Variants in SYNE2 observed in about 807,000 individuals in gnomAD.
The protein encoded by SYNE2 is spectrin repeat containing nuclear envelope protein 2.
SYNE2 carries 431 observed loss-of-function variants against 856.3 expected under a neutral mutation model. That is an observed-to-expected ratio of 0.50 (90% confidence interval 0.47 to 0.55). SYNE2 has a LOEUF of 0.55. Among genes scored for constraint, SYNE2 ranks in the 20% least tolerant of loss-of-function variants. The probability of loss-of-function intolerance (pLI) is 0.00; values close to 1 mark genes in which losing one functional copy is unlikely to be tolerated. For missense variants in SYNE2, 8,129 were observed against 8,023.2 expected, an observed-to-expected ratio of 1.01 and a Z score of -0.50; for synonymous variants, 2,923 against 2,872.3, an observed-to-expected ratio of 1.02 and a Z score of -0.56.
At chr14:64,168,205 G>A (rs1399678643) in intron 92 of SYNE2, among the ~76,000 whole-genome samples, 1 of 152,136 alleles carries the variant, frequency 6.6e-6, no homozygotes. Context: ...CCAGGCTCAA[G>A]CAATTCTCGT....
chr14:64,018,756 T>C (rs1161257746), intron 34 of SYNE2, among the ~76,000 whole-genome samples: 5 of 152,196 alleles, frequency 3.3e-5, no homozygotes, highest in Non-Finnish European at 7.3e-5. Context: ...GACCATGATT[T>C]TAGACGGCCT....
Position 64,124,618 on chromosome 14 carries a change from G to GT in SYNE2, c.13423-455dup, listed in dbSNP as rs555419387. 1.7e-4 allele frequency among the ~76,000 whole-genome samples: 26 copies of GT among 152,160 alleles called. 1 individual carries two copies. Among genetic ancestry groups the GT allele is most frequent in the Middle Eastern group, 3.4e-3 (1 of 294 alleles). On this transcript the variant is annotated intron_variant, in intron 70 of 115. Transcript: ENST00000555002. ...CTGTCCAAAATATTAAAACTTAATT[G>GT]TTTTTTCTTATAAATGGCAAGATAG...
Position 64,185,912 on chromosome 14 carries a change from G to A in SYNE2, c.17557-512G>A, listed in dbSNP as rs376122259. Among the ~76,000 whole-genome samples, 108 of 152,166 alleles carry A rather than the reference G, an allele frequency of 7.1e-4. 4 individuals carry two copies. In the South Asian group the frequency reaches 0.019, roughly 26 times the overall value. On this transcript the variant is annotated intron_variant, in intron 96 of 115. Coordinates refer to ENST00000555002, the MANE Select transcript of SYNE2 (RefSeq NM_182914.3). ...ATTAGAAAAGTTTATTTTTTCTTCC[G>A]TTATACTTACTCATTATTTTCAAAA... is the stretch of plus-strand genomic sequence containing the variant.
intron 57 of SYNE2, chr14:64,084,756 T>C (rs577838516): frequency 3.9e-6 from 2 of 510,330 alleles, no homozygotes; most frequent in Non-Finnish European, 7.0e-6. Flanking sequence ...AACAAACTTA[T>C]TATCACAGTT....
intron 94 of SYNE2, among the ~76,000 whole-genome samples, chr14:64,171,559 T>TGG (rs2098410882): frequency 2.6e-5 from 4 of 152,170 alleles, no homozygotes; most frequent in Non-Finnish European, 5.9e-5. Flanking sequence ...TGGGACTGAA[T>TGG]GATGAGAAGG....
At chr14:63,772,343 G>A (rs1886950303) in intron 1 of SYNE2, among the ~76,000 whole-genome samples, 1 of 152,048 alleles carries the variant, frequency 6.6e-6, no homozygotes, top group African/African-American at 2.4e-5. Flanking sequence ...GGCAGAATGA[G>A]ACTCCATCTC....
chr14:64,187,308 G>A (rs767210992), intron 97 of SYNE2, among the ~76,000 whole-genome samples: 82 of 152,182 alleles, frequency 5.4e-4, no homozygotes, highest in Non-Finnish European at 1.1e-3. Context: ...ATTCAGACAC[G>A]TTCTCCTTGA....
At chr14:63,878,348 A>AG (rs760258648) in intron 1 of SYNE2, among the ~76,000 whole-genome samples, 1 of 152,102 alleles carries the variant, frequency 6.6e-6, no homozygotes, top group Non-Finnish European at 1.5e-5. Context: ...CCCTGGTAAG[A>AG]GGCTTTCCTG....
chr14:63,883,027 G>A (rs1189001835), intron 1 of SYNE2, among the ~76,000 whole-genome samples: 2 of 150,692 alleles, frequency 1.3e-5, no homozygotes, highest in East Asian at 3.9e-4. Context: ...GGTATTTATT[G>A]GCAAATATGC....
At position 64,219,323 on chromosome 14, in the gene SYNE2, A is replaced by G. The variant is rs1046553272; in HGVS notation, c.19773A>G (p.Lys6591=). 1.2e-6 allele frequency: 2 copies of G among 1,614,048 alleles called. No homozygotes were observed. Among genetic ancestry groups the G allele is most frequent in the African/African-American group, 2.7e-5 (2 of 74,898 alleles). The change falls in exon 110 of 116, where the codon AAA becomes AAG. Residue 6591 remains lysine, a synonymous_variant. Transcript: ENST00000555002. ...TCAGCGCCATCACTACTTGGCTGAAAAAAACTGAAGCAGAGCTGGAAATGT... is the reference window on the plus strand; with the variant it reads ...TCAGCGCCATCACTACTTGGCTGAAGAAAACTGAAGCAGAGCTGGAAATGT... ...SDISAITTWL[K]KTEAELEMLK...
At chr14:63,796,351 G>A (rs1887913778) in intron 1 of SYNE2, among the ~76,000 whole-genome samples, 1 of 152,126 alleles carries the variant, frequency 6.6e-6, no homozygotes, top group Admixed American at 6.5e-5. Flanking sequence ...CAGCTACTTG[G>A]GAGGCTGAGG....
intron 7 of SYNE2, among the ~76,000 whole-genome samples, chr14:63,952,127 G>A (rs1222642848): frequency 4.6e-5 from 7 of 152,262 alleles, no homozygotes; most frequent in East Asian, 3.9e-4. Context: ...ATCAGGCCCC[G>A]TTCTCCACAT....
chr14:63,771,759 G>GGT (rs1424151435), intron 1 of SYNE2, among the ~76,000 whole-genome samples: 1 of 151,928 alleles, frequency 6.6e-6, no homozygotes, highest in East Asian at 1.9e-4. Flanking sequence ...AAATTAGCTG[G>GGT]GTGTGTGTGT....
chr14:64,139,558 C>T (rs1297621653), intron 79 of SYNE2, among the ~76,000 whole-genome samples: 5 of 151,978 alleles, frequency 3.3e-5, no homozygotes, highest in Non-Finnish European at 7.4e-5. Context: ...ACTACAGGCG[C>T]CTGCCACCAT....
rs372337180 is a variant in SYNE2, at chr14:64,208,952, A to T, written c.18389+7A>T. On this transcript the variant is annotated splice_region_variant and intron_variant, in intron 101 of 115. Coordinates refer to ENST00000555002, the MANE Select transcript of SYNE2 (RefSeq NM_182914.3). ...CCATGGAGCGGCGCATGAAGTAAGA[A>T]CTAAGCTCCCCCAAATGCCTTCAGC... is the stretch of plus-strand genomic sequence containing the variant. 134 of 1,613,406 alleles carry T rather than the reference A, an allele frequency of 8.3e-5. No homozygotes were observed. The highest frequency in any genetic ancestry group is 7.5e-5 in the Non-Finnish European group (89 of 1,179,870).
chr14:63,952,717 T>C (rs2096182156), intron 7 of SYNE2, among the ~76,000 whole-genome samples: 2 of 152,248 alleles, frequency 1.3e-5, no homozygotes, highest in African/African-American at 4.8e-5. Context: ...CAAACATATT[T>C]GTTAGACAAC....
intron 1 of SYNE2, among the ~76,000 whole-genome samples, chr14:63,782,542 A>G (rs1247330222): frequency 6.6e-6 from 1 of 151,586 alleles, no homozygotes; most frequent in Non-Finnish European, 1.5e-5. Flanking sequence ...AAAGTCTCTT[A>G]CCAGCCAAAT....
chr14:64,161,158 G>A (rs2098326341), intron 87 of SYNE2, among the ~76,000 whole-genome samples: 1 of 151,912 alleles, frequency 6.6e-6, no homozygotes, highest in African/African-American at 2.4e-5. Context: ...AGCCTGGGTA[G>A]CATGGTGAAA....
Position 63,995,726 on chromosome 14 carries a change from TATCC to T in SYNE2, c.2940+528_2940+531del, listed in dbSNP as rs998948254. On this transcript the variant is annotated intron_variant, in intron 23 of 115. Coordinates refer to ENST00000555002, the MANE Select transcript of SYNE2 (RefSeq NM_182914.3). Reference sequence around the variant, plus strand: ...CTCTTGCTTTATATAATTCTATATCTATCCATCTATCTATCTATCTATCTATCTA... The same window carrying T: ...CTCTTGCTTTATATAATTCTATATCTATCTATCTATCTATCTATCTATCTA... 3.9e-3 allele frequency among the ~76,000 whole-genome samples: 161 copies of T among 41,570 alleles called. 3 individuals are homozygous for T. The East Asian group carries it at 0.041, about 11-fold the overall frequency. 27.3% of individuals were successfully genotyped at this position (41,570 alleles called of 152,430 possible). A position where few individuals can be genotyped will look rare whatever the true frequency, so the allele number is the denominator to read the frequency against.
Sources: allele counts gnomAD v4.1 joint callset (sites outside exome capture counted in the v4.1 genomes callset), GRCh38; gene constraint gnomAD v4.1.1; transcripts MANE v1.5; gene names NCBI Gene and HGNC (gene_info 2026-07-23, HGNC 2026-07-21).